Variants in CACNA1H observed in about 807,000 individuals in gnomAD.
The protein encoded by CACNA1H is voltage-dependent T-type calcium channel subunit alpha-1H.
In CACNA1H, 149 loss-of-function variants were observed where a neutral mutation model predicts 192.5. The ratio of observed to expected loss-of-function variants is 0.77; its 90% confidence interval spans 0.68 to 0.89. The LOEUF is 0.89. Among genes scored for constraint, CACNA1H ranks in the 40% least tolerant of loss-of-function variants. CACNA1H has a pLI of 0.00. For synonymous variants in CACNA1H, 2,202 were observed against 1,475.2 expected (o/e 1.49, Z -11.29); for missense variants, 4,257 against 3,423.5 (o/e 1.24, Z -6.08).
intron 2 of CACNA1H, chr16:1,160,293 GAAC>G (rs1963021034): frequency 6.6e-6 from 1 of 152,234 alleles, no homozygotes; most frequent in African/African-American, 2.4e-5. Context: ...GCGTAACTTG[GAAC>G]AACTCTAAGT....
At chr16:1,173,661 G>A (rs1221151116) in intron 2 of CACNA1H, among the ~76,000 whole-genome samples, 1 of 152,248 alleles carries the variant, frequency 6.6e-6, no homozygotes, top group African/African-American at 2.4e-5. Flanking sequence ...TGGCCTGGTG[G>A]AAGCATCCGG....
In CACNA1H at chr16:1,206,300, C is replaced by T. The variant is rs373581610; in HGVS notation, c.2789+11C>T. 6.5e-6 allele frequency: 10 copies of T among 1,548,538 alleles called. 1 individual carries two copies. In the East Asian group the frequency reaches 7.3e-5, roughly 11 times the overall value. On this transcript the variant is annotated intron_variant, in intron 12 of 34. Transcript: ENST00000348261. The stretch of plus-strand genomic sequence containing the variant: ...CATTTTCATCTTCAGGTGGGCGCAA[C>T]CCCCCTCCCGGCCCGCCCAGTGTCT...
At chr16:1,212,880 G>A (rs1476226032) in intron 26 of CACNA1H, among the ~76,000 whole-genome samples, 11 of 152,228 alleles carry the variant, frequency 7.2e-5, no homozygotes, top group East Asian at 1.9e-4. Flanking sequence ...GCTGCGCTGA[G>A]TGCTTCAGTG....
rs1032269291 is a variant in CACNA1H at position 1,180,347 on chromosome 16, A to G, written c.300-14625A>G. Reference sequence around the variant, plus strand: ...GCTGTGGGCTGGGGAGGACGGTCCCATAGCTGGGGGCAGAGCAGGGCAGGC... The same window carrying G: ...GCTGTGGGCTGGGGAGGACGGTCCCGTAGCTGGGGGCAGAGCAGGGCAGGC... On this transcript the variant is annotated intron_variant, in intron 2 of 34. Coordinates refer to ENST00000348261, the MANE Select transcript of CACNA1H (RefSeq NM_021098.3). This position sits in a 1 kb window ranked among gnomAD's most constrained non-coding sequence, Gnocchi z 4.4. Among the ~76,000 whole-genome samples the G allele has an allele frequency of 3.3e-5, 5 of 152,230 alleles. No individual in the cohort carries two copies. Among genetic ancestry groups the G allele is most frequent in the Admixed American group, 6.5e-5 (1 of 15,290 alleles).
At position 1,198,779 on chromosome 16, in the gene CACNA1H, C is replaced by G; in HGVS notation, c.803+5C>G. ...CCTGGACAGTGCCTTTGTCAGGTGC[C>G]CAGGCCCCACCCCCGTGAGGCCCCT... On this transcript the variant is annotated splice_donor_5th_base_variant and intron_variant, in intron 6 of 34. Transcript: ENST00000348261. 3 of 1,607,378 alleles carry G rather than the reference C, an allele frequency of 1.9e-6. No homozygotes were observed. Among genetic ancestry groups the G allele is most frequent in the Non-Finnish European group, 2.5e-6 (3 of 1,177,724 alleles).
Position 1,207,257 on chromosome 16 carries a change from C to A in CACNA1H, c.2908-18C>A, listed in dbSNP as rs751036019. The stretch of plus-strand genomic sequence containing the variant: ...TCGGGGCTGGGGTGACCACCCCAGG[C>A]CCCCTGCTATCCCCCAGATCCTGAC... On this transcript the variant is annotated intron_variant, in intron 13 of 34. Transcript: ENST00000348261. 5 of 1,594,194 alleles carry A rather than the reference C, an allele frequency of 3.1e-6. No homozygotes were observed. In the South Asian group the frequency reaches 3.4e-5, roughly 11 times the overall value.
chr16:1,169,323 AGAT>A (rs567492533), intron 2 of CACNA1H, among the ~76,000 whole-genome samples: 170 of 152,270 alleles, frequency 1.1e-3, no homozygotes, highest in African/African-American at 3.6e-3. Flanking sequence ...GGCTGGCATC[AGAT>A]GATGCATGGG....
rs1307336577 is a variant in CACNA1H, at chr16:1,211,819, G to A, written c.4566+14G>A. ...GTCGACCAGCAGGTGCGCACAGGCG[G>A]GTCGAGCTGGGTCACCTCAGGGTCT... On this transcript the variant is annotated intron_variant, in intron 24 of 34. Coordinates refer to ENST00000348261, the MANE Select transcript of CACNA1H (RefSeq NM_021098.3). 23 of 1,611,618 alleles carry A rather than the reference G, an allele frequency of 1.4e-5. No homozygotes were observed. The highest frequency in any genetic ancestry group is 1.9e-5 in the Non-Finnish European group (22 of 1,179,498).
intron 2 of CACNA1H, among the ~76,000 whole-genome samples, chr16:1,156,055 C>G (rs1035928558): frequency 1.3e-5 from 2 of 152,166 alleles, no homozygotes; most frequent in African/African-American, 2.4e-5. Context: ...CCAGGGCTCT[C>G]TGGGCTGGGA....
At chr16:1,206,829 C>T (rs950204287) in intron 12 of CACNA1H, 172 bp from the exon 13 acceptor site, 9 of 595,032 alleles carry the variant, frequency 1.5e-5, no homozygotes, top group East Asian at 2.8e-5. Flanking sequence ...GCAGGAAGTC[C>T]CTTTTAAGCT....
intron 5 of CACNA1H, among the ~76,000 whole-genome samples, chr16:1,197,758 G>A (rs570608323): frequency 9.9e-4 from 151 of 152,304 alleles, no homozygotes; most frequent in African/African-American, 3.5e-3. Context: ...ATACCCCTGG[G>A]TGCTGGGTGA....
At chr16:1,154,072 G>A in intron 2 of CACNA1H, 36 bp downstream of exon 2, 1 of 792,910 alleles carries the variant, frequency 1.3e-6, no homozygotes, top group Non-Finnish European at 1.7e-6. Flanking sequence ...GGGGGGCGGG[G>A]GGCGTGGGGA....
intron 21 of CACNA1H, 22 bp from the exon 22 acceptor site, chr16:1,211,146 T>C (rs548916588): frequency 2.5e-6 from 4 of 1,610,812 alleles, no homozygotes; most frequent in East Asian, 2.2e-5. Flanking sequence ...ATGACTGCAG[T>C]GTATCCTTCA....
chr16:1,169,713 G>C (rs866069001), intron 2 of CACNA1H, among the ~76,000 whole-genome samples: 8 of 152,242 alleles, frequency 5.3e-5, no homozygotes, highest in Non-Finnish European at 1.2e-4. Flanking sequence ...CACCACTGTG[G>C]CTGTGGGAGC....
chr16:1,211,873 G>C, intron 24 of CACNA1H, 68 bp downstream of exon 24: 29 of 1,609,922 alleles, frequency 1.8e-5, no homozygotes, highest in Non-Finnish European at 2.5e-5. Context: ...GGCCTCTGGG[G>C]ACTCGGGGGG....
rs373192170 is a variant in CACNA1H at position 1,197,352 on chromosome 16, G to A, written c.644-1263G>A. 3.9e-5 allele frequency among the ~76,000 whole-genome samples: 6 copies of A among 152,320 alleles called. No individual in the cohort carries two copies. In the East Asian group the frequency reaches 7.7e-4, roughly 20 times the overall value. On this transcript the variant is annotated intron_variant, in intron 5 of 34. Coordinates refer to ENST00000348261, the MANE Select transcript of CACNA1H (RefSeq NM_021098.3). ...CCACTGTACGTTCAGTCTGCACGCC[G>A]GCCTGGCCCCACCTGTTGAAGCGTG...
chr16:1,209,277 C>T lies in CACNA1H; in HGVS notation c.3609C>T (p.Pro1203=), dbSNP rs1192622353. 9.6e-6 allele frequency: 15 copies of T among 1,558,854 alleles called. No individual in the cohort carries two copies. The highest frequency in any genetic ancestry group is 1.3e-5 in the Non-Finnish European group (15 of 1,157,786). The stretch of plus-strand genomic sequence containing the variant: ...GGGCCGAGTCCCTGGACCCACGGCC[C>T]CTGCGGCCGGCCGCCCTCCCGCCTA... ...LRRAESLDPR[P]LRPAALPPTK... The change falls in exon 17 of 35, where the codon CCC becomes CCT. Residue 1203 remains proline, a synonymous_variant. Transcript: ENST00000348261.
At chr16:1,190,175 C>T (rs896737666) in intron 2 of CACNA1H, among the ~76,000 whole-genome samples, 2 of 152,260 alleles carry the variant, frequency 1.3e-5, no homozygotes, top group Non-Finnish European at 1.5e-5. Context: ...CCTGACCGTT[C>T]TGCCGCCCTG....
chr16:1,176,319 G>A (rs1305785618), intron 2 of CACNA1H, among the ~76,000 whole-genome samples: 1 of 152,242 alleles, frequency 6.6e-6, no homozygotes, highest in Non-Finnish European at 1.5e-5. Context: ...CAGCAGCAAT[G>A]TCTCGGAGCT....
Sources: gnomAD v4.1 joint callset for allele counts (sites outside exome capture counted in the v4.1 genomes callset) on GRCh38, gnomAD v4.1.1 for gene constraint, Gnocchi (gnomAD v3.1) non-coding constraint, MANE v1.5 for transcripts, NCBI Gene and HGNC (gene_info 2026-07-23, HGNC 2026-07-21) for gene names.